MAPRE2: variants seen among roughly 807,000 people sequenced by gnomAD.
The protein encoded by MAPRE2 is microtubule associated protein RP/EB family member 2.
In MAPRE2, 13 loss-of-function variants were observed where a neutral mutation model predicts 43.2. The ratio of observed to expected loss-of-function variants is 0.30; its 90% CI spans 0.20 to 0.48. The LOEUF (loss-of-function observed/expected upper bound fraction) is 0.48. MAPRE2 is among the 20% of genes least tolerant of loss of function. The pLI is 0.99. For missense variants in MAPRE2, 161 were observed against 400.2 expected, an observed-to-expected ratio of 0.40 and a Z score of 5.10; for synonymous variants, 135 against 148.8, an observed-to-expected ratio of 0.91 and a Z score of 0.68.
intron 2 of MAPRE2, among the ~76,000 whole-genome samples, chr18:35,008,839 A>G: frequency 6.6e-6 from 1 of 152,304 alleles, no homozygotes; most frequent in South Asian, 2.1e-4. Flanking sequence ...ACAAACATTT[A>G]TAGTTTTAGG....
At chr18:35,101,320 A>G (rs1908668500) in intron 3 of MAPRE2, among the ~76,000 whole-genome samples, 1 of 152,154 alleles carries the variant, frequency 6.6e-6, no homozygotes, top group African/African-American at 2.4e-5. Context: ...AGGCATTTTG[A>G]TACAGGCATG....
At chr18:35,138,810 C>T (rs1266667352) in intron 6 of MAPRE2, among the ~76,000 whole-genome samples, 1 of 152,108 alleles carries the variant, frequency 6.6e-6, no homozygotes, top group Non-Finnish European at 1.5e-5. Flanking sequence ...CTGTAAATAA[C>T]AGAGCTGGGA....
At chr18:35,081,951 G>A (rs1026413266) in intron 2 of MAPRE2, 2 of 152,194 alleles carry the variant, frequency 1.3e-5, no homozygotes, top group Non-Finnish European at 2.9e-5. Flanking sequence ...TGGGGAAAGG[G>A]ATCAGCTTTA....
chr18:35,080,169 C>T (rs946219496), intron 2 of MAPRE2, among the ~76,000 whole-genome samples: 3 of 152,094 alleles, frequency 2.0e-5, no homozygotes, highest in African/African-American at 7.2e-5. Flanking sequence ...AGGATTCAGA[C>T]GGAGAAGAAG....
intron 1 of MAPRE2, chr18:34,978,440 C>A: frequency 2.2e-6 from 3 of 1,357,814 alleles, no homozygotes; most frequent in Non-Finnish European, 3.1e-6. Context: ...AGACCGGTTG[C>A]GATTGTGGTC....
intron 1 of MAPRE2, among the ~76,000 whole-genome samples, chr18:35,002,378 C>T (rs2097029793): frequency 6.6e-6 from 1 of 152,146 alleles, no homozygotes; most frequent in African/African-American, 2.4e-5. Context: ...TTTGGGGCTA[C>T]TATGTATAAA....
intron 2 of MAPRE2, among the ~76,000 whole-genome samples, chr18:35,020,915 G>T (rs934385022): frequency 2.4e-4 from 37 of 152,274 alleles, no homozygotes; most frequent in African/African-American, 8.9e-4. Context: ...ACAAGAAACA[G>T]AATTATTTGT....
At chr18:35,136,013 CT>C (rs1470424022) in intron 6 of MAPRE2, among the ~76,000 whole-genome samples, 1 of 152,182 alleles carries the variant, frequency 6.6e-6, no homozygotes, top group Non-Finnish European at 1.5e-5. Flanking sequence ...ACTTAACACT[CT>C]TATTTTGTGA....
At chr18:35,102,590 C>T (rs578033380) in intron 4 of MAPRE2, among the ~76,000 whole-genome samples, 277 of 152,254 alleles carry the variant, frequency 1.8e-3, no homozygotes, top group Non-Finnish European at 3.2e-3. Flanking sequence ...AAAGGAAATT[C>T]GTGAACTGTA....
intron 5 of MAPRE2, among the ~76,000 whole-genome samples, chr18:35,131,538 C>T (rs1372096075): frequency 1.3e-5 from 2 of 152,090 alleles, no homozygotes; most frequent in Non-Finnish European, 2.9e-5. Flanking sequence ...TGAATAAGCT[C>T]GATTGGGCCT....
chr18:35,087,063 T>C (rs180773734), intron 2 of MAPRE2, among the ~76,000 whole-genome samples: 5 of 152,294 alleles, frequency 3.3e-5, no homozygotes, highest in Admixed American at 3.3e-4. Context: ...TTTTATAGAC[T>C]TAAATCATAC....
intron 4 of MAPRE2, among the ~76,000 whole-genome samples, chr18:35,111,096 TAACACAAGTCCCTGA>T (rs1909154288): frequency 1.3e-5 from 2 of 152,210 alleles, no homozygotes; most frequent in African/African-American, 4.8e-5. Context: ...TCTGAAATTA[TAACACAAGTCCCTGA>T]GGCACAGTTG....
intron 2 of MAPRE2, among the ~76,000 whole-genome samples, chr18:35,076,868 T>C (rs938131321): frequency 2.0e-5 from 3 of 152,206 alleles, no homozygotes. Context: ...TGATAACTGC[T>C]TGGGTCTCTA....
chr18:35,081,646 C>T (rs1216129442), intron 2 of MAPRE2, among the ~76,000 whole-genome samples: 1 of 152,074 alleles, frequency 6.6e-6, no homozygotes, highest in Non-Finnish European at 1.5e-5. Context: ...GAGTTCTCAC[C>T]TGCAAGTCTT....
intron 6 of MAPRE2, among the ~76,000 whole-genome samples, chr18:35,138,919 C>A (rs942537463): frequency 6.6e-6 from 1 of 152,120 alleles, no homozygotes; most frequent in Admixed American, 6.6e-5. Flanking sequence ...TAGTCTCAGT[C>A]ATTCATCCTT....
chr18:34,980,657 A>G (rs2150568743), intron 1 of MAPRE2, among the ~76,000 whole-genome samples: 1 of 152,320 alleles, frequency 6.6e-6, no homozygotes, highest in East Asian at 1.9e-4. Context: ...ACTTGCTATG[A>G]TAGCTTATTT....
chr18:35,028,342 T>C (rs1369129088), intron 2 of MAPRE2, among the ~76,000 whole-genome samples: 1 of 152,216 alleles, frequency 6.6e-6, no homozygotes, highest in African/African-American at 2.4e-5. Context: ...TTAAGTAATT[T>C]GGCCAAGGTT....
chr18:34,985,084 A>AT lies in MAPRE2; in HGVS notation c.-70+8005_-70+8006insT, dbSNP rs1241519886. Among the ~76,000 whole-genome samples, 510 of 88,298 alleles carry AT rather than the reference A, an allele frequency of 5.8e-3. 6 individuals are homozygous for AT. Among genetic ancestry groups the AT allele is most frequent in the African/African-American group, 0.016 (339 of 20,568 alleles). 57.9% of individuals were successfully genotyped at this position (88,298 alleles called of 152,430 possible). A position where few individuals can be genotyped will look rare whatever the true frequency, so the allele number is the denominator to read the frequency against. On this transcript the variant is annotated intron_variant, in intron 1 of 7. Coordinates refer to the MAPRE2 transcript ENST00000413393. ...ATATATAAAATAAAATATATTATAA[A>AT]AATATATATTATATAATATATAAAT...
At chr18:35,038,530 G>C (rs1389064315), upstream of MAPRE2, among the ~76,000 whole-genome samples, 1 of 152,172 alleles carries the variant, frequency 6.6e-6, no homozygotes, top group Non-Finnish European at 1.5e-5. Flanking sequence ...TCTCCCTTCT[G>C]GGATTTGAGC....
Sources: gnomAD v4.1 joint callset for allele counts (sites outside exome capture counted in the v4.1 genomes callset) on GRCh38, gnomAD v4.1.1 for gene constraint, MANE v1.5 for transcripts, NCBI Gene and HGNC (gene_info 2026-07-23, HGNC 2026-07-21) for gene names.